The following SLCO5A1 variants were observed in gnomAD, a reference collection of about 807,000 sequenced individuals.
SLCO5A1 encodes the protein organic anion transporter polypeptide-related protein 4.
In SLCO5A1, 39 loss-of-function variants were observed where a neutral mutation model predicts 65.1. The observed-to-expected ratio is 0.60, with a 90% CI of 0.46 to 0.78. The LOEUF is 0.78. Among genes scored for constraint, SLCO5A1 ranks in the 30% least tolerant of loss-of-function variants. The pLI is 0.00. For synonymous variants in SLCO5A1, 438 were observed against 415.7 expected, an observed-to-expected ratio of 1.05 and a Z score of -0.65; for missense variants, 1,029 against 1,069.4, an observed-to-expected ratio of 0.96 and a Z score of 0.53.
At chr8:69,737,189 G>C (rs1816598177) in intron 5 of SLCO5A1, among the ~76,000 whole-genome samples, 1 of 152,192 alleles carries the variant, frequency 6.6e-6, no homozygotes, top group South Asian at 2.1e-4. Context: ...TCTTTCTACA[G>C]TGATGCTTGT....
intron 5 of SLCO5A1, among the ~76,000 whole-genome samples, chr8:69,707,969 G>A (rs1480875338): frequency 2.6e-5 from 4 of 152,196 alleles, no homozygotes; most frequent in Non-Finnish European, 5.9e-5. Context: ...TCAACAAAGA[G>A]CTGGCTGGGG....
At chr8:69,766,364 C>T (rs894807703) in intron 2 of SLCO5A1, among the ~76,000 whole-genome samples, 5 of 152,156 alleles carry the variant, frequency 3.3e-5, no homozygotes, top group African/African-American at 1.2e-4. Context: ...GACACATTGG[C>T]ACCCTCTCCT....
In SLCO5A1 at chr8:69,667,174, T is replaced by A. The variant is rs894203215; in HGVS notation, c.*5695A>T. The A allele has an allele frequency of 1.3e-5, 2 of 152,204 alleles. No homozygotes were observed. Among genetic ancestry groups the A allele is most frequent in the Admixed American group, 6.5e-5 (1 of 15,276 alleles). The allele number at this position is 152,204 out of a possible 1,614,324, so 9.4% of individuals were successfully genotyped here. A position where few individuals can be genotyped will look rare whatever the true frequency, so the allele number is the denominator to read the frequency against. ...TCATTAAACACACGGAAATTATACA[T>A]CTTTTAAATTACCTTAAAAAGTCTC... On this transcript the variant is annotated 3_prime_UTR_variant, in exon 10 of 10. Transcript: ENST00000260126.
intron 5 of SLCO5A1, among the ~76,000 whole-genome samples, chr8:69,724,125 C>T (rs1301120234): frequency 1.3e-5 from 2 of 152,112 alleles, no homozygotes; most frequent in Non-Finnish European, 2.9e-5. Flanking sequence ...AAGGATACTA[C>T]AATATGTAAG....
chr8:69,727,329 T>C (rs1316937331), intron 5 of SLCO5A1, among the ~76,000 whole-genome samples: 1 of 152,192 alleles, frequency 6.6e-6, no homozygotes, highest in Non-Finnish European at 1.5e-5. Context: ...CCCTTTTAAC[T>C]TGTATGCTAT....
At chr8:69,789,135 C>T (rs1819159842) in intron 2 of SLCO5A1, among the ~76,000 whole-genome samples, 1 of 152,156 alleles carries the variant, frequency 6.6e-6, no homozygotes, top group Admixed American at 6.6e-5. Flanking sequence ...TAAAACCGAC[C>T]CAGGACACAA....
At position 69,668,903 on chromosome 8, in the gene SLCO5A1, A is replaced by G. The variant is rs1166087358; in HGVS notation, c.*3966T>C. 1.3e-5 allele frequency: 2 copies of G among 152,156 alleles called. No individual in the cohort carries two copies. The highest frequency in any genetic ancestry group is 4.8e-5 in the African/African-American group (2 of 41,448). 9.4% of individuals were successfully genotyped at this position (152,156 alleles called of 1,614,324 possible). ...GGATCAGTGGTTTGATATGTATTTT[A>G]TGTGTGTTCACTTAAAACCCTTATT... On this transcript the variant is annotated 3_prime_UTR_variant, in exon 10 of 10. Transcript: ENST00000260126.
At position 69,687,662 on chromosome 8, in the gene SLCO5A1, A is replaced by T. The variant is rs530582179; in HGVS notation, c.1623-5319T>A. On this transcript the variant is annotated intron_variant, in intron 6 of 9. Transcript: ENST00000260126. ...AAACTCATGCATAGTGCTAACACCC[A>T]GCGATATCCACTTTTAATGCTTTTA... 1.7e-4 allele frequency among the ~76,000 whole-genome samples: 26 copies of T among 152,242 alleles called. No homozygotes were observed. The East Asian group carries it at 5.0e-3, about 29-fold the overall frequency.
intron 5 of SLCO5A1, among the ~76,000 whole-genome samples, chr8:69,729,268 C>T (rs1327370256): frequency 6.6e-6 from 1 of 151,866 alleles, no homozygotes; most frequent in Non-Finnish European, 1.5e-5. Context: ...CATGATGAAA[C>T]CCCGTCTCTA....
intron 2 of SLCO5A1, among the ~76,000 whole-genome samples, chr8:69,799,907 G>A (rs923222115): frequency 1.3e-5 from 2 of 151,892 alleles, no homozygotes; most frequent in Non-Finnish European, 2.9e-5. Flanking sequence ...CCATATCAAA[G>A]GTTGATTTTC....
At chr8:69,771,902 C>G (rs1221414798) in intron 2 of SLCO5A1, among the ~76,000 whole-genome samples, 2 of 152,204 alleles carry the variant, frequency 1.3e-5, no homozygotes, top group Non-Finnish European at 1.5e-5. Flanking sequence ...ACTGCTGACA[C>G]TAAGACGAGC....
At chr8:69,763,774 T>A (rs995781979) in intron 2 of SLCO5A1, among the ~76,000 whole-genome samples, 2 of 152,088 alleles carry the variant, frequency 1.3e-5, no homozygotes, top group Non-Finnish European at 2.9e-5. Context: ...AATTTTAAGA[T>A]AGGATATGGA....
chr8:69,775,113 G>A (rs976421996), intron 2 of SLCO5A1, among the ~76,000 whole-genome samples: 2 of 152,270 alleles, frequency 1.3e-5, no homozygotes, highest in Middle Eastern at 6.8e-3. Context: ...CTATCACTTT[G>A]CTGAAACATC....
intron 2 of SLCO5A1, among the ~76,000 whole-genome samples, chr8:69,798,023 C>G (rs982192094): frequency 6.6e-6 from 1 of 152,106 alleles, no homozygotes; most frequent in African/African-American, 2.4e-5. Context: ...TGTGATGTCT[C>G]CCCCGGACAC....
In SLCO5A1 at chr8:69,768,126, G is replaced by A. The variant is rs559931245; in HGVS notation, c.908-6251C>T. 3.9e-5 allele frequency among the ~76,000 whole-genome samples: 6 copies of A among 151,966 alleles called. No homozygotes were observed. The East Asian group carries it at 5.8e-4, about 15-fold the overall frequency. Reference sequence around the variant, plus strand: ...CACGCACCTGTAGTCCCAGCTACTCGGGAGGCTGAAGTGGGAGGATCACCT... The same window carrying A: ...CACGCACCTGTAGTCCCAGCTACTCAGGAGGCTGAAGTGGGAGGATCACCT... On this transcript the variant is annotated intron_variant, in intron 2 of 9. Coordinates refer to ENST00000260126, the MANE Select transcript of SLCO5A1 (RefSeq NM_030958.3).
intron 2 of SLCO5A1, among the ~76,000 whole-genome samples, chr8:69,773,790 G>C (rs1280630148): frequency 1.3e-5 from 2 of 152,152 alleles, no homozygotes; most frequent in Non-Finnish European, 2.9e-5. Context: ...ACCAACCCAG[G>C]CCACTCAGAT....
intron 2 of SLCO5A1, among the ~76,000 whole-genome samples, chr8:69,809,839 AT>A (rs1820146236): frequency 6.6e-6 from 1 of 151,904 alleles, no homozygotes; most frequent in African/African-American, 2.4e-5. Context: ...GCATTGCTCT[AT>A]TACCTGCCTC....
At chr8:69,753,035 T>C (rs548877120) in intron 4 of SLCO5A1, among the ~76,000 whole-genome samples, 8 of 152,320 alleles carry the variant, frequency 5.3e-5, no homozygotes, top group Non-Finnish European at 1.2e-4. Flanking sequence ...AAATAGTGTA[T>C]ACATTCAATT....
rs954378547 is a variant in SLCO5A1 at position 69,669,147 on chromosome 8, T to C, written c.*3722A>G. 5 of 152,152 alleles carry C rather than the reference T, an allele frequency of 3.3e-5. No individual in the cohort carries two copies. The highest frequency in any genetic ancestry group is 1.2e-4 in the African/African-American group (5 of 41,418). 9.4% of individuals were successfully genotyped at this position (152,152 alleles called of 1,614,324 possible). A position where few individuals can be genotyped will look rare whatever the true frequency, so the allele number is the denominator to read the frequency against. ...ATTAAATATGAACTATAAATAAATA[T>C]TTGAGGTATGTTATGACAAATAACT... On this transcript the variant is annotated 3_prime_UTR_variant, in exon 10 of 10. Transcript: ENST00000260126.
Sources: allele counts gnomAD v4.1 joint callset (sites outside exome capture counted in the v4.1 genomes callset), GRCh38; gene constraint gnomAD v4.1.1; transcripts MANE v1.5; gene names NCBI Gene and HGNC (gene_info 2026-07-23, HGNC 2026-07-21).